Variants in SPIDR observed in about 807,000 individuals in gnomAD.
SPIDR encodes DNA repair-scaffolding protein.
A neutral mutation model predicts 104.6 loss-of-function variants in SPIDR; 93 were observed. The ratio of observed to expected loss-of-function variants is 0.89; its 90% CI spans 0.75 to 1.06. The LOEUF is 1.06. Ranked by LOEUF, SPIDR falls within the 50% of genes least tolerant of loss-of-function variation. The pLI is 0.00. For missense variants in SPIDR, 1,154 were observed against 1,111.2 expected (o/e 1.04, Z -0.55); for synonymous variants, 431 against 416.9 (o/e 1.03, Z -0.41).
At chr8:47,574,280 G>A (rs2058833981) in intron 8 of SPIDR, among the ~76,000 whole-genome samples, 1 of 152,144 alleles carries the variant, frequency 6.6e-6, no homozygotes, top group Non-Finnish European at 1.5e-5. Context: ...TTTTTGACTG[G>A]AAGTTCAATT....
intron 8 of SPIDR, among the ~76,000 whole-genome samples, chr8:47,494,154 A>G (rs1408732336): frequency 1.3e-5 from 2 of 150,462 alleles, no homozygotes; most frequent in East Asian, 2.0e-4. Flanking sequence ...ATGCCTGGCT[A>G]GTTTTTAAAT....
chr8:47,670,314 T>C (rs537771634), intron 10 of SPIDR, among the ~76,000 whole-genome samples: 1 of 152,206 alleles, frequency 6.6e-6, no homozygotes, highest in African/African-American at 2.4e-5. Context: ...AAAAAGACAT[T>C]ATAAATTCAA....
At chr8:47,319,606 C>T (rs1586881113) in intron 5 of SPIDR, among the ~76,000 whole-genome samples, 1 of 152,200 alleles carries the variant, frequency 6.6e-6, no homozygotes, top group Non-Finnish European at 1.5e-5. Context: ...TAATAGACAT[C>T]TACAGAACCC....
At chr8:47,403,839 T>C (rs1401602447) in intron 6 of SPIDR, among the ~76,000 whole-genome samples, 1 of 152,126 alleles carries the variant, frequency 6.6e-6, no homozygotes, top group South Asian at 2.1e-4. Flanking sequence ...CTTCACAGAA[T>C]TGGAAAAAAA....
intron 5 of SPIDR, among the ~76,000 whole-genome samples, chr8:47,384,136 A>T (rs2059623261): frequency 6.6e-6 from 1 of 152,208 alleles, no homozygotes; most frequent in Non-Finnish European, 1.5e-5. Flanking sequence ...TCTTAGGGCT[A>T]CATTAGCATG....
intron 8 of SPIDR, among the ~76,000 whole-genome samples, chr8:47,494,721 A>C (rs539419720): frequency 6.2e-4 from 94 of 152,092 alleles, no homozygotes; most frequent in Non-Finnish European, 1.0e-3. Flanking sequence ...TGCTTTTACT[A>C]TGGCTATTAG....
chr8:47,262,225 C>T (rs911361581), intron 1 of SPIDR, among the ~76,000 whole-genome samples: 3 of 152,162 alleles, frequency 2.0e-5, no homozygotes, highest in African/African-American at 4.8e-5. Flanking sequence ...ACCCTTAGTC[C>T]TCCAGGCCCT....
At chr8:47,332,008 T>A (rs2048841424) in intron 5 of SPIDR, among the ~76,000 whole-genome samples, 2 of 110,816 alleles carry the variant, frequency 1.8e-5, no homozygotes, top group East Asian at 2.5e-4. Flanking sequence ...TTTTTTTTTT[T>A]TTTATTATAC....
chr8:47,504,636 G>A (rs966447781), intron 8 of SPIDR, among the ~76,000 whole-genome samples: 17 of 152,240 alleles, frequency 1.1e-4, no homozygotes, highest in East Asian at 5.8e-4. Context: ...CTCTCAACTC[G>A]TCAAAGTCAT....
chr8:47,623,915 C>G (rs2065563060), intron 10 of SPIDR, among the ~76,000 whole-genome samples: 9 of 152,194 alleles, frequency 5.9e-5, no homozygotes, highest in Admixed American at 5.9e-4. Flanking sequence ...CTGTCCATCC[C>G]AAATCAACAG....
intron 8 of SPIDR, among the ~76,000 whole-genome samples, chr8:47,577,724 G>GT (rs912780850): frequency 2.0e-5 from 3 of 151,968 alleles, no homozygotes; most frequent in African/African-American, 7.3e-5. Context: ...TCTTGTGTGG[G>GT]TTTTTTTTAA....
At chr8:47,417,684 G>A (rs1324945920) in intron 7 of SPIDR, among the ~76,000 whole-genome samples, 60 of 152,158 alleles carry the variant, frequency 3.9e-4, no homozygotes, top group Non-Finnish European at 3.2e-4. Context: ...TGTTTTAGAC[G>A]TGAAGTCCTT....
intron 10 of SPIDR, among the ~76,000 whole-genome samples, chr8:47,652,260 A>G (rs957180495): frequency 6.6e-6 from 1 of 152,198 alleles, no homozygotes; most frequent in African/African-American, 2.4e-5. Context: ...AGAGAGTGAC[A>G]TACGCTCCCA....
At chr8:47,585,734 C>G (rs2060186106) in intron 8 of SPIDR, among the ~76,000 whole-genome samples, 2 of 152,160 alleles carry the variant, frequency 1.3e-5, no homozygotes, top group African/African-American at 4.8e-5. Context: ...GATGGCACCA[C>G]CATTACATGG....
intron 10 of SPIDR, among the ~76,000 whole-genome samples, chr8:47,662,170 C>T (rs969353669): frequency 3.9e-5 from 6 of 152,160 alleles, no homozygotes; most frequent in Non-Finnish European, 5.9e-5. Context: ...AAATGTTTCT[C>T]GAATGCCTTC....
chr8:47,387,491 C>A (rs1436128215), intron 5 of SPIDR, among the ~76,000 whole-genome samples: 7 of 152,122 alleles, frequency 4.6e-5, no homozygotes, highest in African/African-American at 1.7e-4. Context: ...GAGAAGGGGG[C>A]ACATCCTTGT....
At chr8:47,676,255 A>G (rs1252692218) in intron 11 of SPIDR, among the ~76,000 whole-genome samples, 1 of 152,208 alleles carries the variant, frequency 6.6e-6, no homozygotes, top group Admixed American at 6.5e-5. Context: ...CAACAAATTC[A>G]TTTACTGATA....
At chr8:47,700,801 TA>T (rs2080065727) in intron 12 of SPIDR, among the ~76,000 whole-genome samples, 1 of 152,212 alleles carries the variant, frequency 6.6e-6, no homozygotes, top group Admixed American at 6.5e-5. Flanking sequence ...AGCCTTGTAC[TA>T]AAGTAAACAT....
At chr8:47,727,314 C>T (rs1306690194) in intron 17 of SPIDR, 21 bp downstream of exon 17, 1 of 1,610,316 alleles carries the variant, frequency 6.2e-7, no homozygotes, top group East Asian at 2.2e-5. Flanking sequence ...AGGAGCTGTC[C>T]TGAAAGCCCT....
Sources: gnomAD v4.1 joint callset for allele counts (sites outside exome capture counted in the v4.1 genomes callset) on GRCh38, gnomAD v4.1.1 for gene constraint, MANE v1.5 for transcripts, NCBI Gene and HGNC (gene_info 2026-07-23, HGNC 2026-07-21) for gene names.